MDGA2: variants seen among roughly 807,000 people sequenced by gnomAD.
MDGA2 encodes the protein MAM domain containing glycosylphosphatidylinositol anchor 2, also known as MAM domain-containing glycosylphosphatidylinositol anchor protein 2.
A neutral mutation model predicts 117.8 loss-of-function variants in MDGA2; 40 were observed. The ratio of observed to expected loss-of-function variants is 0.34; its 90% CI spans 0.26 to 0.44. MDGA2 has a LOEUF of 0.44. Among genes scored for constraint, MDGA2 ranks in the 20% least tolerant of loss-of-function variants. The pLI is 1.00. For missense variants in MDGA2, 1,123 were observed against 1,250.6 expected (o/e 0.90, Z 1.54); for synonymous variants, 452 against 439.0 (o/e 1.03, Z -0.37).
chr14:47,136,661 T>C (rs141317502), intron 4 of MDGA2, among the ~76,000 whole-genome samples: 136 of 152,356 alleles, frequency 8.9e-4, no homozygotes, highest in Non-Finnish European at 1.5e-3. Context: ...ATTTACATTA[T>C]GTCTATGTAT....
chr14:47,623,891 A>G (rs1022564633), intron 1 of MDGA2, among the ~76,000 whole-genome samples: 5 of 152,216 alleles, frequency 3.3e-5, no homozygotes, highest in Non-Finnish European at 7.3e-5. Context: ...TACTGAAATT[A>G]TCCATCACTT....
At chr14:47,201,000 G>GACC (rs1885485076) in intron 3 of MDGA2, 1 of 858,936 alleles carries the variant, frequency 1.2e-6, no homozygotes, top group South Asian at 1.3e-5. Context: ...CGCAGCATAC[G>GACC]ACCACCACTT....
chr14:47,270,783 T>C (rs1480999360), intron 2 of MDGA2, among the ~76,000 whole-genome samples: 1 of 152,144 alleles, frequency 6.6e-6, no homozygotes, highest in Admixed American at 6.6e-5. Flanking sequence ...ACTGTTTGTG[T>C]GTGTGTGTGG....
rs1292713462 is a variant in MDGA2, at chr14:47,561,173, TTGTTTG to T, written c.280+113338_280+113343del. Among the ~76,000 whole-genome samples, 11 of 85,162 alleles carry T rather than the reference TTGTTTG, an allele frequency of 1.3e-4. 2 individuals are homozygous for T. Among genetic ancestry groups the T allele is most frequent in the East Asian group, 1.4e-3 (2 of 1,412 alleles). 55.9% of individuals were successfully genotyped at this position (85,162 alleles called of 152,430 possible). On this transcript the variant is annotated intron_variant, in intron 1 of 16. Transcript: ENST00000399232. ...TTTTTGTTTTGTTTTGTTTTTTTGT[TTGTTTG>T]TTTTTTTTTGCTTAGGATTGCCTTA...
chr14:47,504,773 G>C (rs1359587305), intron 1 of MDGA2, among the ~76,000 whole-genome samples: 1 of 152,130 alleles, frequency 6.6e-6, no homozygotes, highest in Non-Finnish European at 1.5e-5. Context: ...AGCCATTATG[G>C]AAAACAGTAC....
At chr14:47,482,683 A>G (rs1027043834) in intron 1 of MDGA2, among the ~76,000 whole-genome samples, 9 of 152,066 alleles carry the variant, frequency 5.9e-5, no homozygotes, top group Non-Finnish European at 1.3e-4. Context: ...TTATTCACTC[A>G]ATATTATTGA....
chr14:47,664,060 C>G (rs187179654), intron 1 of MDGA2, among the ~76,000 whole-genome samples: 2,059 of 152,156 alleles, frequency 0.014, 44 homozygotes, highest in Admixed American at 0.051. Context: ...GGGGAGGATG[C>G]CAGCTCCTTG....
At chr14:47,226,259 A>AAATAAATAAATG (rs537466146) in intron 2 of MDGA2, among the ~76,000 whole-genome samples, 33 of 149,218 alleles carry the variant, frequency 2.2e-4, no homozygotes, top group South Asian at 8.6e-4. Context: ...ATAAATAAAT[A>AAATAAATAAATG]AATGGGAGGA....
At chr14:47,080,097 A>C (rs1191080437) in intron 6 of MDGA2, among the ~76,000 whole-genome samples, 1 of 152,188 alleles carries the variant, frequency 6.6e-6, no homozygotes, top group African/African-American at 2.4e-5. Flanking sequence ...AAGTATAGGC[A>C]GGTGAAAGTT....
intron 1 of MDGA2, among the ~76,000 whole-genome samples, chr14:47,328,873 G>A (rs557724189): frequency 5.3e-5 from 8 of 152,150 alleles, no homozygotes; most frequent in African/African-American, 1.2e-4. Context: ...TAAGTGTTTT[G>A]GAAGGCACTG....
At chr14:47,512,053 T>C (rs563658524) in intron 1 of MDGA2, among the ~76,000 whole-genome samples, 5 of 152,134 alleles carry the variant, frequency 3.3e-5, no homozygotes, top group Admixed American at 6.6e-5. Context: ...AAAGTCTTTG[T>C]CAAGGATCAC....
At chr14:47,433,224 A>G (rs1011861829) in intron 1 of MDGA2, among the ~76,000 whole-genome samples, 4 of 152,100 alleles carry the variant, frequency 2.6e-5, no homozygotes, top group Admixed American at 6.6e-5. Flanking sequence ...TTTTAATACT[A>G]TTAGACATAG....
At chr14:47,089,127 T>C (rs1419348910) in intron 6 of MDGA2, among the ~76,000 whole-genome samples, 1 of 152,052 alleles carries the variant, frequency 6.6e-6, no homozygotes, top group East Asian at 1.9e-4. Flanking sequence ...GGATTCCGAA[T>C]CTGGAAAGAA....
intron 8 of MDGA2, among the ~76,000 whole-genome samples, chr14:47,013,852 A>G (rs999218159): frequency 6.9e-6 from 1 of 144,138 alleles, no homozygotes; most frequent in Non-Finnish European, 1.5e-5. Context: ...TATGGAGTAC[A>G]ATGGTATGAT....
At chr14:47,241,242 C>G (rs1887028606) in intron 2 of MDGA2, among the ~76,000 whole-genome samples, 1 of 151,818 alleles carries the variant, frequency 6.6e-6, no homozygotes, top group Non-Finnish European at 1.5e-5. Context: ...CTTAAGTAAT[C>G]CTAACGAAAG....
At chr14:46,944,949 G>A (rs972365007) in intron 9 of MDGA2, among the ~76,000 whole-genome samples, 1 of 151,752 alleles carries the variant, frequency 6.6e-6, no homozygotes, top group Admixed American at 6.6e-5. Flanking sequence ...CTACCTTAAG[G>A]TTAGTTTTTA....
intron 7 of MDGA2, among the ~76,000 whole-genome samples, chr14:47,043,172 C>CA (rs756606677): frequency 3.3e-5 from 5 of 151,506 alleles, no homozygotes; most frequent in South Asian, 2.1e-4. Context: ...TTCAGGATGA[C>CA]AAAAAAAATC....
chr14:47,499,185 G>C (rs1566486570), intron 1 of MDGA2, among the ~76,000 whole-genome samples: 1 of 152,104 alleles, frequency 6.6e-6, no homozygotes, highest in South Asian at 2.1e-4. Flanking sequence ...TAATATAATG[G>C]AACAAAGTTG....
chr14:47,091,702 G>A (rs532285351), intron 6 of MDGA2, among the ~76,000 whole-genome samples: 56 of 152,014 alleles, frequency 3.7e-4, no homozygotes, highest in African/African-American at 1.2e-3. Context: ...CAGCCTTCAA[G>A]CCATTGGGTA....
Sources: gnomAD v4.1 joint callset for allele counts (sites outside exome capture counted in the v4.1 genomes callset) on GRCh38, gnomAD v4.1.1 for gene constraint, MANE v1.5 for transcripts, NCBI Gene and HGNC (gene_info 2026-07-23, HGNC 2026-07-21) for gene names.